The following STAU2 variants were observed in gnomAD, a reference collection of about 807,000 sequenced individuals.
STAU2 encodes the protein double-stranded RNA-binding protein Staufen homolog 2.
STAU2 carries 20 observed loss-of-function variants against 65.9 expected under a neutral mutation model. That is an observed-to-expected ratio of 0.30 (90% CI 0.21 to 0.44). The LOEUF (loss-of-function observed/expected upper bound fraction) is 0.44. Ranked by LOEUF, STAU2 falls within the 20% of genes least tolerant of loss-of-function variation. The probability of loss-of-function intolerance (pLI) is 1.00; values close to 1 mark genes in which losing one functional copy is unlikely to be tolerated. For missense variants in STAU2, 558 were observed against 683.9 expected, an observed-to-expected ratio of 0.82 and a Z score of 2.05; for synonymous variants, 232 against 233.9, an observed-to-expected ratio of 0.99 and a Z score of 0.07.
chr8:73,422,810 T>A, intron 13 of STAU2, 108 bp from the exon 14 acceptor site: 2 of 661,338 alleles, frequency 3.0e-6, no homozygotes, highest in Non-Finnish European at 4.4e-6. Context: ...GTCTACATAA[T>A]TTTTTTTTGC....
intron 3 of STAU2, among the ~76,000 whole-genome samples, chr8:73,734,566 C>A (rs982807423): frequency 6.6e-5 from 10 of 152,156 alleles, no homozygotes; most frequent in African/African-American, 2.2e-4. Context: ...AAGGCCAAGG[C>A]AGGCAGACCA....
intron 13 of STAU2, among the ~76,000 whole-genome samples, chr8:73,471,733 G>A (rs916215171): frequency 8.8e-5 from 13 of 147,734 alleles, no homozygotes; most frequent in African/African-American, 3.0e-4. Context: ...CAGGAGAATC[G>A]TTTGAGCCTG....
chr8:73,647,735 T>C (rs755415191), intron 6 of STAU2, among the ~76,000 whole-genome samples: 2 of 151,966 alleles, frequency 1.3e-5, no homozygotes, highest in Non-Finnish European at 2.9e-5. Context: ...TGTACCACCA[T>C]GTCTGGCTAA....
intron 1 of STAU2, among the ~76,000 whole-genome samples, chr8:73,745,859 C>A (rs1026600259): frequency 1.3e-5 from 2 of 152,140 alleles, no homozygotes; most frequent in Non-Finnish European, 2.9e-5. Context: ...CAGAATCCCA[C>A]GGCCATTACC....
chr8:73,520,651 G>A (rs1342248691), intron 13 of STAU2, among the ~76,000 whole-genome samples: 1 of 152,144 alleles, frequency 6.6e-6, no homozygotes, highest in African/African-American at 2.4e-5. Flanking sequence ...AGGGGTTCCT[G>A]GTACAGATGT....
intron 6 of STAU2, among the ~76,000 whole-genome samples, chr8:73,638,938 T>C (rs1229746084): frequency 2.0e-5 from 3 of 151,634 alleles, no homozygotes; most frequent in South Asian, 2.1e-4. Flanking sequence ...AATAGTTGAT[T>C]AATATGAAAT....
intron 6 of STAU2, chr8:73,653,790 C>T (rs1816086887): frequency 2.9e-6 from 1 of 340,044 alleles, no homozygotes; most frequent in Non-Finnish European, 5.6e-6. Flanking sequence ...TTCATGACAC[C>T]TTTAGGAGTC....
intron 6 of STAU2, among the ~76,000 whole-genome samples, chr8:73,623,695 A>G (rs1246106196): frequency 6.6e-6 from 1 of 152,138 alleles, no homozygotes; most frequent in Non-Finnish European, 1.5e-5. Context: ...CTCTTTGTAC[A>G]CTTTTTGGCA....
chr8:73,680,034 G>T (rs1439263147), intron 5 of STAU2, among the ~76,000 whole-genome samples: 2 of 126,260 alleles, frequency 1.6e-5, no homozygotes, highest in Non-Finnish European at 3.2e-5. Context: ...CCTTGGGGAA[G>T]GCAGTCAGTG....
At chr8:73,605,104 A>G (rs1586103690) in intron 9 of STAU2, among the ~76,000 whole-genome samples, 1 of 152,316 alleles carries the variant, frequency 6.6e-6, no homozygotes, top group African/African-American at 2.4e-5. Context: ...ACATGCATCA[A>G]GATGAATGAT....
chr8:73,724,403 G>A (rs79457636), intron 3 of STAU2, among the ~76,000 whole-genome samples: 4,278 of 152,046 alleles, frequency 0.028, 168 homozygotes, highest in African/African-American at 0.094. Flanking sequence ...CCTGACTTAC[G>A]ATGGTTCACC....
At chr8:73,663,891 T>G (rs1018675522) in intron 6 of STAU2, among the ~76,000 whole-genome samples, 1 of 152,254 alleles carries the variant, frequency 6.6e-6, no homozygotes, top group Non-Finnish European at 1.5e-5. Flanking sequence ...CTTGTGGCCT[T>G]ACTAAATTCA....
intron 3 of STAU2, among the ~76,000 whole-genome samples, chr8:73,721,233 T>C (rs897380836): frequency 8.0e-6 from 1 of 124,814 alleles, no homozygotes. Context: ...AAGGCTGCAG[T>C]CAGCCATGGT....
chr8:73,561,387 T>C, intron 12 of STAU2: 1 of 326,356 alleles, frequency 3.1e-6, no homozygotes, highest in South Asian at 2.6e-5. Context: ...AAATAGTTGC[T>C]GTGAAAATGA....
intron 6 of STAU2, among the ~76,000 whole-genome samples, chr8:73,638,726 T>C (rs1814739191): frequency 6.6e-6 from 1 of 151,948 alleles, no homozygotes; most frequent in Non-Finnish European, 1.5e-5. Context: ...TCTGAAAACA[T>C]AAAAAATTGC....
At chr8:73,471,277 A>C (rs1819995756) in intron 13 of STAU2, among the ~76,000 whole-genome samples, 4 of 151,414 alleles carry the variant, frequency 2.6e-5, no homozygotes. Context: ...GGCTCAAGCA[A>C]TCCTCCAGCC....
rs117516443 is a variant in STAU2, at chr8:73,688,827, A to G, written c.115-14T>C. ...CACTGAGAACATCTTAGAAAAACAT[A>G]AATAGACAAAGAAAACATTAAGACT... On this transcript the variant is annotated splice_polypyrimidine_tract_variant and intron_variant, in intron 4 of 14. Transcript: ENST00000524300. The G allele has an allele frequency of 4.5e-3, 7,313 of 1,608,308 alleles. 25 individuals carry two copies. The highest frequency in any genetic ancestry group is 5.6e-3 in the Non-Finnish European group (6,597 of 1,177,362).
At chr8:73,747,216 C>T (rs909255322), upstream of STAU2, 84 of 735,848 alleles carry the variant, frequency 1.1e-4, no homozygotes, top group Middle Eastern at 1.2e-3. Context: ...GCAAGGAGCG[C>T]GCCCGGTCCG....
chr8:73,456,100 G>C (rs549333945), intron 13 of STAU2, among the ~76,000 whole-genome samples: 8 of 152,344 alleles, frequency 5.3e-5, no homozygotes, highest in Admixed American at 4.6e-4. Context: ...AGGCTCAGCA[G>C]TGAGACAAAT....
Sources: allele counts gnomAD v4.1 joint callset (sites outside exome capture counted in the v4.1 genomes callset), GRCh38; gene constraint gnomAD v4.1.1; transcripts MANE v1.5; gene names NCBI Gene and HGNC (gene_info 2026-07-23, HGNC 2026-07-21).